The following KCNE3 variants were observed in gnomAD, a reference collection of about 807,000 sequenced individuals.
KCNE3 encodes potassium voltage-gated channel subfamily E regulatory subunit 3.
KCNE3 carries 2 observed loss-of-function variants against 4.3 expected under a neutral mutation model. The observed-to-expected ratio is 0.47, with a 90% CI of 0.19 to 1.48. KCNE3 has a LOEUF of 1.48. Ranked by LOEUF, KCNE3 falls within the 40% of genes most tolerant of loss-of-function variation. KCNE3 has a pLI of 0.25. For synonymous variants in KCNE3, 47 were observed against 52.0 expected, an observed-to-expected ratio of 0.90 and a Z score of 0.41; for missense variants, 128 against 136.8, an observed-to-expected ratio of 0.94 and a Z score of 0.32.
At chr11:74,459,324 C>G (rs1170010736) in intron 2 of KCNE3, among the ~76,000 whole-genome samples, 1 of 141,350 alleles carries the variant, frequency 7.1e-6, no homozygotes, top group African/African-American at 2.6e-5. Flanking sequence ...TGCAGTGGCG[C>G]AATCTCGGCT....
chr11:74,466,283 G>A (rs796688126), intron 1 of KCNE3, among the ~76,000 whole-genome samples: 1 of 152,128 alleles, frequency 6.6e-6, no homozygotes, highest in Non-Finnish European at 1.5e-5. Flanking sequence ...TTGAGCACTC[G>A]CACATTAAGT....
chr11:74,457,426 C>T lies in KCNE3; in HGVS notation c.138G>A (p.Arg46=), dbSNP rs1156893059. 8.7e-6 allele frequency: 14 copies of T among 1,613,776 alleles called. No individual in the cohort carries two copies. The highest frequency in any genetic ancestry group is 1.1e-5 in the Non-Finnish European group (13 of 1,179,770). The change falls in exon 3 of 3, where the codon AGG becomes AGA. Residue 46 remains arginine (R), a synonymous_variant. Transcript: ENST00000310128. ...CATCACGGCCAGGTAGGCTGGCCCGCCTCTCTTCAGTCTGGTTGTCTGGCC... is the reference window on the plus strand; with the variant it reads ...CATCACGGCCAGGTAGGCTGGCCCGTCTCTCTTCAGTCTGGTTGTCTGGCC... The part of the protein sequence containing the change: ...GLGPDNQTEE[R]RASLPGRDDN...
intron 1 of KCNE3, among the ~76,000 whole-genome samples, chr11:74,463,366 T>A (rs1051460239): frequency 1.3e-5 from 2 of 152,024 alleles, no homozygotes; most frequent in African/African-American, 4.8e-5. Flanking sequence ...AAGGCTGGGG[T>A]GCCAGGGCCT....
chr11:74,460,315 G>T (rs989107311), intron 2 of KCNE3, among the ~76,000 whole-genome samples: 2 of 152,194 alleles, frequency 1.3e-5, no homozygotes, highest in Non-Finnish European at 2.9e-5. Flanking sequence ...TAGCAAGTAG[G>T]AGCAGCATGA....
rs1864083125 is a variant in KCNE3 at position 74,467,293 on chromosome 11, C to G, written c.-190+105G>C. Reference sequence around the variant, plus strand: ...CCTCCCCCACTCCCCCTCGGTTCCACAGTCTCACGGAGAGCGCGCCGTGGC... The same window carrying G: ...CCTCCCCCACTCCCCCTCGGTTCCAGAGTCTCACGGAGAGCGCGCCGTGGC... On this transcript the variant is annotated intron_variant, in intron 1 of 2. Coordinates refer to ENST00000310128, the MANE Select transcript of KCNE3 (RefSeq NM_005472.5). The surrounding 1 kb of genome is among the most constrained non-coding windows in gnomAD (Gnocchi z 4.4). The G allele has an allele frequency of 6.6e-6, 1 of 152,548 alleles. No individual in the cohort carries two copies. The highest frequency in any genetic ancestry group is 2.4e-5 in the African/African-American group (1 of 41,414). 9.4% of individuals were successfully genotyped at this position (152,548 alleles called of 1,614,324 possible).
intron 1 of KCNE3, among the ~76,000 whole-genome samples, chr11:74,466,674 C>T (rs1049661113): frequency 1.3e-5 from 2 of 152,118 alleles, no homozygotes; most frequent in Non-Finnish European, 2.9e-5. Flanking sequence ...CATTTATTTT[C>T]GAGATAAGAG....
Position 74,455,684 on chromosome 11 carries a change from T to C in KCNE3, c.*1568A>G, listed in dbSNP as rs965789223. The C allele has an allele frequency of 6.6e-6, 1 of 152,180 alleles. No individual in the cohort carries two copies. Among genetic ancestry groups the C allele is most frequent in the Non-Finnish European group, 1.5e-5 (1 of 68,036 alleles). The allele number at this position is 152,180 out of a possible 1,614,324, so 9.4% of individuals were successfully genotyped here. A position where few individuals can be genotyped will look rare whatever the true frequency, so the allele number is the denominator to read the frequency against. The stretch of plus-strand genomic sequence containing the variant: ...ACCTGTCTCTCATACTCTGCTTCTT[T>C]TAATATAATAATAATTTAGGTGCGA... On this transcript the variant is annotated 3_prime_UTR_variant, in exon 3 of 3. Coordinates refer to ENST00000310128, the MANE Select transcript of KCNE3 (RefSeq NM_005472.5).
chr11:74,461,971 C>T lies in KCNE3; in HGVS notation c.-57G>A, dbSNP rs1266849802. The T allele has an allele frequency of 6.6e-6, 1 of 152,196 alleles. No homozygotes were observed. The highest frequency in any genetic ancestry group is 2.4e-5 in the African/African-American group (1 of 41,416). The allele number at this position is 152,196 out of a possible 1,614,324, so 9.4% of individuals were successfully genotyped here. ...AAGACTCACCAGACTGCTGGCAAAT[C>T]CACTGGCTCTCAGTCAGTTTCAGGA... On this transcript the variant is annotated 5_prime_UTR_variant, in exon 2 of 3. Coordinates refer to ENST00000310128, the MANE Select transcript of KCNE3 (RefSeq NM_005472.5).
At position 74,455,840 on chromosome 11, in the gene KCNE3, G is replaced by A. The variant is rs1280124275; in HGVS notation, c.*1412C>T. ...CCTCCCGGGTTCAAACAATTCTCCT[G>A]CCTCAGCCTCCCAAGTAGCTGGGAA... On this transcript the variant is annotated 3_prime_UTR_variant, in exon 3 of 3. Coordinates refer to ENST00000310128, the MANE Select transcript of KCNE3 (RefSeq NM_005472.5). 3 of 151,652 alleles carry A rather than the reference G, an allele frequency of 2.0e-5. No individual in the cohort carries two copies. The highest frequency in any genetic ancestry group is 2.9e-5 in the Non-Finnish European group (2 of 67,952). 9.4% of individuals were successfully genotyped at this position (151,652 alleles called of 1,614,324 possible).
intron 1 of KCNE3, among the ~76,000 whole-genome samples, chr11:74,463,830 C>A (rs1298933688): frequency 1.3e-5 from 2 of 152,204 alleles, no homozygotes; most frequent in Non-Finnish European, 2.9e-5. Context: ...CTTTCCACTA[C>A]AAATGGCAGT....
At chr11:74,466,812 G>A (rs982099792) in intron 1 of KCNE3, among the ~76,000 whole-genome samples, 1 of 152,188 alleles carries the variant, frequency 6.6e-6, no homozygotes, top group Non-Finnish European at 1.5e-5. Context: ...AGGGATGACT[G>A]CCCGGGTTTA....
intron 1 of KCNE3, among the ~76,000 whole-genome samples, chr11:74,463,224 G>A (rs72552111): frequency 7.9e-5 from 12 of 152,124 alleles, no homozygotes; most frequent in South Asian, 2.1e-4. Flanking sequence ...GGTTCCATGA[G>A]GGGAATAAAG....
chr11:74,466,816 G>A (rs1212109404), intron 1 of KCNE3, among the ~76,000 whole-genome samples: 1 of 152,112 alleles, frequency 6.6e-6, no homozygotes, highest in Non-Finnish European at 1.5e-5. Flanking sequence ...ATGACTGCCC[G>A]GGTTTACACA....
At position 74,456,148 on chromosome 11, in the gene KCNE3, C is replaced by G. The variant is rs1863805618; in HGVS notation, c.*1104G>C. On this transcript the variant is annotated 3_prime_UTR_variant, in exon 3 of 3. Transcript: ENST00000310128. ...CTGGGCAACATGTGAAACCCTGTCT[C>G]TACTTAAATATATATATATATATAT... 2.4e-5 allele frequency: 1 copy of G among 42,054 alleles called. No homozygotes were observed. The highest frequency in any genetic ancestry group is 3.5e-4 in the Admixed American group (1 of 2,842). 2.6% of individuals were successfully genotyped at this position (42,054 alleles called of 1,614,324 possible). A position where few individuals can be genotyped will look rare whatever the true frequency, so the allele number is the denominator to read the frequency against.
chr11:74,455,066 A>G lies in KCNE3; in HGVS notation c.*2186T>C, dbSNP rs142524202. On this transcript the variant is annotated 3_prime_UTR_variant, in exon 3 of 3. Transcript: ENST00000310128. ...CAGCAAATGTGTTCCATGATCCTCCATTCAAGAACCCAAAGGCTTTTATTT... is the reference window on the plus strand; with the variant it reads ...CAGCAAATGTGTTCCATGATCCTCCGTTCAAGAACCCAAAGGCTTTTATTT... The G allele has an allele frequency of 1.3e-5, 2 of 152,388 alleles. No individual in the cohort carries two copies. The highest frequency in any genetic ancestry group is 2.4e-5 in the African/African-American group (1 of 41,602). 9.4% of individuals were successfully genotyped at this position (152,388 alleles called of 1,614,324 possible).
In KCNE3 at chr11:74,467,110, C is replaced by T. The variant is rs1258392406; in HGVS notation, c.-190+288G>A. On this transcript the variant is annotated intron_variant, in intron 1 of 2. Transcript: ENST00000310128. This position sits in a 1 kb window ranked among gnomAD's most constrained non-coding sequence, Gnocchi z 4.4. ...GGTGTGGAGGAACTTTTCTTGTGGC[C>T]GTCTTGAGGGCTGGGAATAACGGCG... is the stretch of plus-strand genomic sequence containing the variant. Among the ~76,000 whole-genome samples, 2 of 152,166 alleles carry T rather than the reference C, an allele frequency of 1.3e-5. No individual in the cohort carries two copies. Among genetic ancestry groups the T allele is most frequent in the African/African-American group, 2.4e-5 (1 of 41,452 alleles).
chr11:74,459,284 C>T (rs577449839), intron 2 of KCNE3, among the ~76,000 whole-genome samples: 37 of 102,138 alleles, frequency 3.6e-4, no homozygotes, highest in Middle Eastern at 0.019. Flanking sequence ...TTTTTTGAGA[C>T]GGAGTCTCAC....
rs1325629602 is a variant in KCNE3, at chr11:74,457,170, G to C, written c.*82C>G. ...CTTACAGATAGGGACACTGAGACCT[G>C]ATGCAGTCCACAGCAGAGTTCTGGA... On this transcript the variant is annotated 3_prime_UTR_variant, in exon 3 of 3. Coordinates refer to ENST00000310128, the MANE Select transcript of KCNE3 (RefSeq NM_005472.5). The C allele has an allele frequency of 3.1e-5, 41 of 1,305,706 alleles. No individual in the cohort carries two copies. 80.9% of individuals were successfully genotyped at this position (1,305,706 alleles called of 1,614,324 possible).
intron 2 of KCNE3, among the ~76,000 whole-genome samples, chr11:74,461,499 T>C (rs1487878164): frequency 1.3e-5 from 2 of 151,902 alleles, no homozygotes; most frequent in Admixed American, 6.6e-5. Flanking sequence ...GGTACACGCC[T>C]GTATTCCCAG....
Sources: allele counts gnomAD v4.1 joint callset (sites outside exome capture counted in the v4.1 genomes callset), GRCh38; gene constraint gnomAD v4.1.1; non-coding constraint Gnocchi (gnomAD v3.1); transcripts MANE v1.5; gene names NCBI Gene and HGNC (gene_info 2026-07-23, HGNC 2026-07-21).